The following CDH4 variants were observed in gnomAD, a reference collection of about 807,000 sequenced individuals.
The protein encoded by CDH4 is cadherin-4.
In CDH4, 33 loss-of-function variants were observed where a neutral mutation model predicts 86.0. The ratio of observed to expected loss-of-function variants is 0.38; its 90% CI spans 0.29 to 0.51. The LOEUF is 0.51. CDH4 is among the 20% of genes least tolerant of loss of function. The pLI is 0.86. For synonymous variants in CDH4, 555 were observed against 549.4 expected (o/e 1.01, Z -0.14); for missense variants, 1,114 against 1,307.4 (o/e 0.85, Z 2.28).
intron 3 of CDH4, among the ~76,000 whole-genome samples, chr20:61,746,092 G>A (rs2088411174): frequency 6.6e-6 from 1 of 152,126 alleles, no homozygotes; most frequent in Non-Finnish European, 1.5e-5. Flanking sequence ...GTTAAACCAG[G>A]CAGCAGAGCG....
intron 3 of CDH4, among the ~76,000 whole-genome samples, chr20:61,770,581 C>T (rs1033679072): frequency 5.3e-5 from 8 of 152,234 alleles, no homozygotes; most frequent in Admixed American, 4.6e-4. Context: ...TGCACTATCA[C>T]GTTTAGGAAA....
rs766793110 is a variant in CDH4 at position 61,417,426 on chromosome 20, G to A, written c.169+162489G>A. ...TTCCACCTTGAGCCAGCTGTGGGGT[G>A]TGGGGCCCGAGTGCCAGCTGTTTCC... On this transcript the variant is annotated intron_variant, in intron 2 of 15. Transcript: ENST00000614565. The surrounding 1 kb of genome is among the most constrained non-coding windows in gnomAD (Gnocchi z 4.0). Among the ~76,000 whole-genome samples, 22 of 152,266 alleles carry A rather than the reference G, an allele frequency of 1.4e-4. No individual in the cohort carries two copies. Among genetic ancestry groups the A allele is most frequent in the Non-Finnish European group, 2.9e-4 (20 of 68,038 alleles).
In CDH4 at chr20:61,350,088, C is replaced by T. The variant is rs1038894677; in HGVS notation, c.169+95151C>T. On this transcript the variant is annotated intron_variant, in intron 2 of 15. Transcript: ENST00000614565. ...GGAATACCTCTGACCTTGCCTCTCCCACCCAGCGTCAGGCAGACACCTCCC... is the reference window on the plus strand; with the variant it reads ...GGAATACCTCTGACCTTGCCTCTCCTACCCAGCGTCAGGCAGACACCTCCC... Among the ~76,000 whole-genome samples the T allele has an allele frequency of 2.0e-5, 3 of 151,598 alleles. 1 individual carries two copies. Among genetic ancestry groups the T allele is most frequent in the African/African-American group, 7.3e-5 (3 of 41,122 alleles).
intron 2 of CDH4, among the ~76,000 whole-genome samples, chr20:61,661,093 G>GGC (rs1555821325): frequency 9.8e-6 from 1 of 102,204 alleles, no homozygotes; most frequent in Non-Finnish European, 2.6e-5. Context: ...GCGGGGGGGG[G>GGC]GGAGACACAG....
At chr20:61,264,207 C>G (rs1348912395) in intron 2 of CDH4, among the ~76,000 whole-genome samples, 1 of 152,156 alleles carries the variant, frequency 6.6e-6, no homozygotes, top group Non-Finnish European at 1.5e-5. Context: ...CTTCCGCACA[C>G]TAAGGACTTG....
chr20:61,906,515 C>T (rs2054790038), intron 8 of CDH4, among the ~76,000 whole-genome samples: 1 of 152,220 alleles, frequency 6.6e-6, no homozygotes, highest in African/African-American at 2.4e-5. Context: ...CAAGTGGCTC[C>T]CGGGGGAGGC....
chr20:61,695,365 C>T lies in CDH4; in HGVS notation c.170-48198C>T, dbSNP rs999552895. Among the ~76,000 whole-genome samples the T allele has an allele frequency of 5.3e-5, 8 of 152,298 alleles. No homozygotes were observed. In the South Asian group the frequency reaches 8.3e-4, roughly 16 times the overall value. ...TGCTGTGGGTATCAGATGTATTCCA[C>T]GGGGCCCTGCAAACTCACACCATCA... On this transcript the variant is annotated intron_variant, in intron 2 of 15. Transcript: ENST00000614565.
At chr20:61,783,530 C>A (rs1043552807) in intron 4 of CDH4, among the ~76,000 whole-genome samples, 5 of 147,646 alleles carry the variant, frequency 3.4e-5, no homozygotes, top group African/African-American at 1.3e-4. Context: ...TGGGATAGTT[C>A]TCAAGGCCCT....
chr20:61,755,366 C>T (rs1158342322), intron 3 of CDH4, among the ~76,000 whole-genome samples: 1 of 144,210 alleles, frequency 6.9e-6, no homozygotes, highest in African/African-American at 2.7e-5. Flanking sequence ...ATGCCACACA[C>T]ACCACACACA....
chr20:61,549,426 C>T (rs2086111317), intron 2 of CDH4, among the ~76,000 whole-genome samples: 1 of 152,176 alleles, frequency 6.6e-6, no homozygotes, highest in East Asian at 1.9e-4. Context: ...GATCCACATA[C>T]AAAGCAACAG....
At chr20:61,853,164 TCCTGGGGACAGCGGTGGG>T (rs952760382) in intron 6 of CDH4, among the ~76,000 whole-genome samples, 3 of 151,768 alleles carry the variant, frequency 2.0e-5, no homozygotes, top group Non-Finnish European at 4.4e-5. Flanking sequence ...GCACTGGGAG[TCCTGGGGACAGCGGTGGG>T]CCTGGGCAGG....
chr20:61,785,794 G>T (rs1378120693), intron 4 of CDH4, among the ~76,000 whole-genome samples: 3 of 152,178 alleles, frequency 2.0e-5, no homozygotes, highest in Non-Finnish European at 2.9e-5. Flanking sequence ...TAGCCACTTA[G>T]CCACTTTCTT....
intron 2 of CDH4, among the ~76,000 whole-genome samples, chr20:61,574,929 C>A (rs1283811084): frequency 6.6e-6 from 1 of 152,198 alleles, no homozygotes. Context: ...CAGGACAGAG[C>A]AAAGATAAGC....
At position 61,623,435 on chromosome 20, in the gene CDH4, GTCT is replaced by G; in HGVS notation, c.170-120123_170-120121del. On this transcript the variant is annotated intron_variant, in intron 2 of 15. Transcript: ENST00000614565. This position sits in a 1 kb window ranked among gnomAD's most constrained non-coding sequence, Gnocchi z 4.4. ...TGATTGAAGGTGCTAATTTCACATT[GTCT>G]TCTTTATATAGATTACACCTTCCAA... 6.6e-6 allele frequency among the ~76,000 whole-genome samples: 1 copy of G among 152,212 alleles called. No homozygotes were observed. The highest frequency in any genetic ancestry group is 2.1e-4 in the South Asian group (1 of 4,818).
At chr20:61,282,905 TGGC>T (rs148968428) in intron 2 of CDH4, among the ~76,000 whole-genome samples, 31 of 110,222 alleles carry the variant, frequency 2.8e-4, no homozygotes, top group East Asian at 8.5e-4. Context: ...GCGTGTGCTG[TGGC>T]GTGTGTGATG....
intron 6 of CDH4, among the ~76,000 whole-genome samples, chr20:61,859,283 C>T (rs1452861285): frequency 6.6e-6 from 1 of 152,184 alleles, no homozygotes; most frequent in East Asian, 1.9e-4. Context: ...GAATTCTTTA[C>T]GTATTCTAGA....
chr20:61,934,563 G>A (rs969579379), intron 15 of CDH4, among the ~76,000 whole-genome samples: 7 of 152,224 alleles, frequency 4.6e-5, no homozygotes, highest in African/African-American at 1.4e-4. Context: ...TCAGCGGGGC[G>A]ACGGCGGGGA....
At chr20:61,559,574 G>A (rs1468313344) in intron 2 of CDH4, among the ~76,000 whole-genome samples, 2 of 145,100 alleles carry the variant, frequency 1.4e-5, no homozygotes, top group Admixed American at 7.0e-5. Context: ...GCCCAGGCTG[G>A]AGTGCAATGG....
At chr20:61,508,176 AG>A (rs2085755061) in intron 2 of CDH4, among the ~76,000 whole-genome samples, 1 of 152,250 alleles carries the variant, frequency 6.6e-6, no homozygotes, top group African/African-American at 2.4e-5. Context: ...GCCACTTCAG[AG>A]ACATTGCCGC....
Sources: allele counts gnomAD v4.1 joint callset (sites outside exome capture counted in the v4.1 genomes callset), GRCh38; gene constraint gnomAD v4.1.1; non-coding constraint Gnocchi (gnomAD v3.1); transcripts MANE v1.5; gene names NCBI Gene and HGNC (gene_info 2026-07-23, HGNC 2026-07-21).